CPM: variants seen among roughly 807,000 people sequenced by gnomAD.
CPM encodes carboxypeptidase M.
In CPM, 35 loss-of-function variants were observed where a neutral mutation model predicts 46.4. The ratio of observed to expected loss-of-function variants is 0.75; its 90% CI spans 0.58 to 1.00. CPM has a LOEUF of 1.00. Ranked by LOEUF, CPM falls within the 50% of genes least tolerant of loss-of-function variation. CPM has a pLI of 0.00. For synonymous variants in CPM, 195 were observed against 195.3 expected, an observed-to-expected ratio of 1.00 and a Z score of 0.01; for missense variants, 422 against 530.4, an observed-to-expected ratio of 0.80 and a Z score of 2.01.
chr12:68,933,348 G>A (rs1360374516), upstream of CPM: 2 of 152,106 alleles, frequency 1.3e-5, no homozygotes, highest in Non-Finnish European at 2.9e-5. Context: ...CTTTCGTGGC[G>A]CGGCTGCTGG....
chr12:68,842,877 G>T, intron 5 of CPM: 1 of 206,488 alleles, frequency 4.8e-6, no homozygotes, highest in Non-Finnish European at 9.9e-6. Context: ...GCCTAGTTAT[G>T]CTGGACTGTT....
intron 2 of CPM, among the ~76,000 whole-genome samples, chr12:68,900,453 A>G (rs1887066382): frequency 6.6e-6 from 1 of 152,214 alleles, no homozygotes; most frequent in African/African-American, 2.4e-5. Context: ...CAAAATGGCC[A>G]ATTTGGAAAG....
Position 68,870,335 on chromosome 12 carries a change from A to C in CPM, c.496T>G (p.Ser166Ala), listed in dbSNP as rs1885638361. 1 of 1,614,220 alleles carries C rather than the reference A, an allele frequency of 6.2e-7. No homozygotes were observed. The highest frequency in any genetic ancestry group is 8.5e-7 in the Non-Finnish European group (1 of 1,180,032). The change falls in exon 5 of 9, where the codon TCA (serine) becomes GCA (alanine). Residue 166 changes from serine (S) to alanine (A), a missense_variant. Coordinates refer to ENST00000551568, the MANE Select transcript of CPM (RefSeq NM_198320.5). ...ACTGCCACAGTTTCAGGCTGCCTTG[A>C]GACATTATTATATTCAAAAGCATCG... Reference protein sequence around the residue: ...FPDAFEYNNVSRQPETVAVMK... With the variant: ...FPDAFEYNNVARQPETVAVMK...
chr12:68,926,082 A>G (rs1361418865), intron 2 of CPM, among the ~76,000 whole-genome samples: 2 of 151,766 alleles, frequency 1.3e-5, no homozygotes, highest in African/African-American at 2.4e-5. Flanking sequence ...ATGCGCAGCT[A>G]ATTTTTTGTA....
rs1340373836 is a variant in CPM, at chr12:68,921,609, C to G, written c.160+11069G>C. 2.0e-5 allele frequency among the ~76,000 whole-genome samples: 3 copies of G among 152,142 alleles called. No homozygotes were observed. In the East Asian group the frequency reaches 5.8e-4, roughly 29 times the overall value. ...AATAATTCAACTGTGTCCTTTACTG[C>G]CTGAAAGTCCGTAACTTCTCTGAGG... On this transcript the variant is annotated intron_variant, in intron 2 of 8. Transcript: ENST00000551568.
upstream of CPM, among the ~76,000 whole-genome samples, chr12:68,936,477 G>A (rs777471): frequency 1.5e-4 from 23 of 152,142 alleles, no homozygotes; most frequent in Admixed American, 7.8e-4. Flanking sequence ...TCCACCTCCC[G>A]GGTTCAAGCA....
At chr12:68,944,828 A>G (rs947040142) in intron 1 of CPM, among the ~76,000 whole-genome samples, 2 of 151,938 alleles carry the variant, frequency 1.3e-5, no homozygotes, top group East Asian at 3.9e-4. Flanking sequence ...ATTTTTAAAG[A>G]TAGTTTGGTG....
intron 4 of CPM, among the ~76,000 whole-genome samples, chr12:68,871,465 G>A (rs78744387): frequency 0.016 from 2,366 of 152,286 alleles, 34 homozygotes; most frequent in Non-Finnish European, 0.024. Flanking sequence ...GAAACGGTGT[G>A]TGTAAAATGC....
At chr12:68,879,459 G>T (rs1055839020) in intron 3 of CPM, among the ~76,000 whole-genome samples, 1 of 152,046 alleles carries the variant, frequency 6.6e-6, no homozygotes, top group African/African-American at 2.4e-5. Context: ...GACCTCCCAG[G>T]CTCAAGCAAT....
intron 1 of CPM, among the ~76,000 whole-genome samples, chr12:68,955,975 T>C (rs1447548189): frequency 1.3e-5 from 2 of 152,048 alleles, no homozygotes; most frequent in Admixed American, 1.3e-4. Flanking sequence ...CTTCACTGAG[T>C]ACCTGCCCCT....
chr12:68,882,701 C>G (rs935403644), intron 3 of CPM, among the ~76,000 whole-genome samples: 8 of 152,214 alleles, frequency 5.3e-5, no homozygotes, highest in Non-Finnish European at 8.8e-5. Flanking sequence ...GATCCTTTTT[C>G]TCTGCAGCCT....
chr12:68,935,704 G>A (rs1256310735), upstream of CPM, among the ~76,000 whole-genome samples: 2 of 151,802 alleles, frequency 1.3e-5, no homozygotes, highest in Non-Finnish European at 2.9e-5. Context: ...GGTTGAAGAC[G>A]TTTCCCTTTC....
chr12:68,954,078 AT>A (rs1170911865), intron 1 of CPM, among the ~76,000 whole-genome samples: 2 of 152,126 alleles, frequency 1.3e-5, no homozygotes, highest in African/African-American at 4.8e-5. Flanking sequence ...AAAGTTATTC[AT>A]GCTGGTTAAT....
chr12:68,948,937 C>T (rs1417183990), intron 1 of CPM, among the ~76,000 whole-genome samples: 2 of 152,202 alleles, frequency 1.3e-5, no homozygotes, highest in Non-Finnish European at 2.9e-5. Flanking sequence ...GTACTCATAA[C>T]TTGGTGCCCC....
rs376692348 is a variant in CPM at position 68,962,166 on chromosome 12, C to G, written c.-4+1003G>C. On this transcript the variant is annotated intron_variant, in intron 1 of 8. Coordinates refer to the CPM transcript ENST00000546373. ...AGTGAGCCAAGATAGCGCCACTGCA[C>G]TCCAGCCTGGGCGACAGAGCGAGAC... Among the ~76,000 whole-genome samples, 197 of 149,846 alleles carry G rather than the reference C, an allele frequency of 1.3e-3. No homozygotes were observed. The Middle Eastern group carries it at 0.014, about 10-fold the overall frequency.
At chr12:68,844,967 T>C (rs531570096) in intron 5 of CPM, 8 of 193,474 alleles carry the variant, frequency 4.1e-5, no homozygotes, top group Non-Finnish European at 6.5e-5. Flanking sequence ...GAAGTTTCAC[T>C]ATGTTGGCCA....
At chr12:68,958,468 C>T (rs1041633731) in intron 1 of CPM, among the ~76,000 whole-genome samples, 1 of 152,104 alleles carries the variant, frequency 6.6e-6, no homozygotes, top group African/African-American at 2.4e-5. Flanking sequence ...ATGAAACCAC[C>T]TTACACTGTT....
In CPM at chr12:68,856,338, C is replaced by T; in HGVS notation, c.*99G>A. The T allele has an allele frequency of 2.3e-6, 3 of 1,325,992 alleles. No individual in the cohort carries two copies. The highest frequency in any genetic ancestry group is 3.1e-6 in the Non-Finnish European group (3 of 961,792). The allele number at this position is 1,325,992 out of a possible 1,614,324, so 82.1% of individuals were successfully genotyped here. ...TCTTCAGGAAGATCGTGGAGTTTCT[C>T]CAGTCAAGGTCCCACTAGAGTGAGT... On this transcript the variant is annotated 3_prime_UTR_variant, in exon 9 of 9. Coordinates refer to ENST00000551568, the MANE Select transcript of CPM (RefSeq NM_198320.5).
chr12:68,864,294 T>C (rs1307097683), intron 7 of CPM, among the ~76,000 whole-genome samples: 4 of 152,118 alleles, frequency 2.6e-5, no homozygotes, highest in African/African-American at 9.7e-5. Context: ...AAATACAAAA[T>C]TAGCCGGGCA....
Sources: allele counts gnomAD v4.1 joint callset (sites outside exome capture counted in the v4.1 genomes callset), GRCh38; gene constraint gnomAD v4.1.1; transcripts MANE v1.5; gene names NCBI Gene and HGNC (gene_info 2026-07-23, HGNC 2026-07-21).